HEATR4: variants seen among roughly 807,000 people sequenced by gnomAD.
HEATR4 encodes HEAT repeat-containing protein 4.
HEATR4 carries 95 observed loss-of-function variants against 108.8 expected under a neutral mutation model. The observed-to-expected ratio is 0.87, with a 90% CI of 0.74 to 1.04. HEATR4 has a LOEUF of 1.04. Ranked by LOEUF, HEATR4 falls within the 50% of genes least tolerant of loss-of-function variation. HEATR4 has a pLI of 0.00. For synonymous variants in HEATR4, 443 were observed against 459.4 expected, an observed-to-expected ratio of 0.96 and a Z score of 0.46; for missense variants, 1,152 against 1,253.8, an observed-to-expected ratio of 0.92 and a Z score of 1.23.
the HEATR4 span, among the ~76,000 whole-genome samples, chr14:73,590,934 A>G: frequency 6.6e-6 from 1 of 152,146 alleles, no homozygotes; most frequent in African/African-American, 2.4e-5. Flanking sequence ...AGTGGGCGCC[A>G]AGGCCGAGGA....
chr14:73,478,754 T>C lies in HEATR4; in HGVS notation c.2933A>G (p.Lys978Arg). Residue 978 changes from lysine (K) to arginine (R), a missense_variant, in exon 18 of 18, where the codon AAA becomes AGA. By Grantham distance (26) the Lys-to-Arg change is conservative. Coordinates refer to ENST00000553558, the MANE Select transcript of HEATR4 (RefSeq NM_001220484.1). ...TRSKVRSSLV[K>R]DLRTSPEKRI... The stretch of plus-strand genomic sequence containing the variant: ...TTTCTCGGGGGAGGTGCGTAGATCT[T>C]TGACAAGTGATGAACGAACTTTGCT... 6.2e-7 allele frequency: 1 copy of C among 1,613,876 alleles called. No individual in the cohort carries two copies. The highest frequency in any genetic ancestry group is 8.5e-7 in the Non-Finnish European group (1 of 1,179,920).
At chr14:73,531,423 CTTTTT>C (rs767285896) in intron 1 of HEATR4, among the ~76,000 whole-genome samples, 1 of 93,578 alleles carries the variant, frequency 1.1e-5, no homozygotes, top group Non-Finnish European at 2.3e-5. Context: ...AGTTTTTCGT[CTTTTT>C]TTTTTTTTTT....
chr14:73,582,655 G>A, the HEATR4 span: 2 of 151,898 alleles, frequency 1.3e-5, no homozygotes, highest in Non-Finnish European at 2.9e-5. Context: ...AATGAGACAT[G>A]TGACATATGA....
At chr14:73,589,511 G>A in the HEATR4 span, among the ~76,000 whole-genome samples, 3 of 152,060 alleles carry the variant, frequency 2.0e-5, no homozygotes, top group Admixed American at 6.6e-5. Context: ...GTGGAGGCGG[G>A]TTTCACCATG....
chr14:73,625,629 G>A, the HEATR4 span, among the ~76,000 whole-genome samples: 1 of 152,182 alleles, frequency 6.6e-6, no homozygotes, highest in Non-Finnish European at 1.5e-5. Flanking sequence ...CCAAAGTGCT[G>A]GGATTACAGG....
intron 1 of HEATR4, chr14:73,539,793 G>A (rs535337251): frequency 8.6e-6 from 1 of 116,954 alleles, no homozygotes; most frequent in African/African-American, 2.8e-5. Flanking sequence ...CGCTGCCGGG[G>A]CACTGGGGTT....
Position 73,522,539 on chromosome 14 carries a change from G to A in HEATR4, c.614C>T (p.Thr205Ile), listed in dbSNP as rs1340222879. Residue 205 changes from threonine to isoleucine, a missense_variant, in exon 3 of 18, where the codon ACT (threonine) becomes ATT (isoleucine). Transcript: ENST00000553558. The stretch of plus-strand genomic sequence containing the variant: ...GCGCTCGTTCAGCTTTTCCAGCACA[G>A]TGGCCTCCCACGCTCTGGCCTCCTT... ...PEKEARAWEA[T>I]VLEKLNERTA... 4.3e-6 allele frequency: 7 copies of A among 1,614,188 alleles called. No homozygotes were observed. In the South Asian group the frequency reaches 7.7e-5, roughly 18 times the overall value.
At chr14:73,512,172 A>T in intron 6 of HEATR4, 23 bp from the exon 7 acceptor site, 1 of 1,613,690 alleles carries the variant, frequency 6.2e-7, no homozygotes, top group Non-Finnish European at 8.5e-7. Context: ...GAGGGAAATG[A>T]AAAGAGAACC....
the HEATR4 span, chr14:73,619,232 A>G: frequency 6.5e-7 from 1 of 1,545,672 alleles, no homozygotes; most frequent in Non-Finnish European, 8.7e-7. Context: ...TTTCCTCAAC[A>G]GGTGAAAGGT....
the HEATR4 span, among the ~76,000 whole-genome samples, chr14:73,628,089 G>A: frequency 1.3e-5 from 2 of 152,108 alleles, no homozygotes; most frequent in Non-Finnish European, 2.9e-5. Context: ...GATTACAGGC[G>A]TGAGCCACTG....
At chr14:73,479,704 A>G (rs1054296873) in intron 17 of HEATR4, among the ~76,000 whole-genome samples, 1 of 152,014 alleles carries the variant, frequency 6.6e-6, no homozygotes, top group Non-Finnish European at 1.5e-5. Flanking sequence ...TGCTGGGATT[A>G]CAGGCATGAG....
rs1350248154 is a variant in HEATR4 at position 73,542,641 on chromosome 14, A to G, written c.-151-12397T>C. On this transcript the variant is annotated intron_variant, in intron 1 of 17. Transcript: ENST00000553558. ...GGCTGGTCTCGAACTCCTGACCTCA[A>G]ATGATCCACCCGCCTCAGCCTCCCA... Among the ~76,000 whole-genome samples the G allele has an allele frequency of 9.1e-5, 10 of 109,928 alleles. 3 individuals carry two copies. The highest frequency in any genetic ancestry group is 7.2e-4 in the East Asian group (1 of 1,392). The allele number at this position is 109,928 out of a possible 152,430, so 72.1% of individuals were successfully genotyped here. A position where few individuals can be genotyped will look rare whatever the true frequency, so the allele number is the denominator to read the frequency against.
At chr14:73,583,333 A>T in the HEATR4 span, among the ~76,000 whole-genome samples, 633 of 140,938 alleles carry the variant, frequency 4.5e-3, 6 homozygotes, top group African/African-American at 0.017. Flanking sequence ...TAGGTGACAG[A>T]GTGAGACTCC....
chr14:73,481,201 G>A (rs970827112), intron 17 of HEATR4, among the ~76,000 whole-genome samples: 7 of 152,192 alleles, frequency 4.6e-5, no homozygotes, highest in Non-Finnish European at 7.3e-5. Flanking sequence ...CAATTTGGGA[G>A]GCCGAGGCAG....
chr14:73,577,951 C>A, the HEATR4 span, among the ~76,000 whole-genome samples: 1,981 of 151,614 alleles, frequency 0.013, 60 homozygotes, highest in African/African-American at 0.045. Context: ...CCTGGGTTCA[C>A]GTGATTCTCC....
chr14:73,574,707 G>A, the HEATR4 span, among the ~76,000 whole-genome samples: 2 of 152,038 alleles, frequency 1.3e-5, no homozygotes, highest in African/African-American at 2.4e-5. Flanking sequence ...TCTTCCACAT[G>A]GTTATCACCA....
At chr14:73,525,844 T>C (rs1453873864) in intron 2 of HEATR4, among the ~76,000 whole-genome samples, 1 of 151,706 alleles carries the variant, frequency 6.6e-6, no homozygotes, top group Admixed American at 6.6e-5. Context: ...TCCCAGCTAC[T>C]TGGGAGGCTG....
chr14:73,594,304 A>G, the HEATR4 span, among the ~76,000 whole-genome samples: 1 of 152,190 alleles, frequency 6.6e-6, no homozygotes, highest in Non-Finnish European at 1.5e-5. Context: ...TCATTTGCCA[A>G]TACATATGGC....
chr14:73,607,509 G>A, the HEATR4 span, among the ~76,000 whole-genome samples: 1 of 152,158 alleles, frequency 6.6e-6, no homozygotes, highest in East Asian at 1.9e-4. Flanking sequence ...TCTGTGACAT[G>A]CCCTGGAGAC....
Sources: gnomAD v4.1 joint callset for allele counts (sites outside exome capture counted in the v4.1 genomes callset) on GRCh38, gnomAD v4.1.1 for gene constraint, MANE v1.5 for transcripts, NCBI Gene and HGNC (gene_info 2026-07-23, HGNC 2026-07-21) for gene names.